Variants in GALK2 observed in about 807,000 individuals in gnomAD.
GALK2 encodes the protein N-acetylgalactosamine kinase.
In GALK2, 36 loss-of-function variants were observed where a neutral mutation model predicts 52.4. That is an observed-to-expected ratio of 0.69 (90% CI 0.53 to 0.91). The LOEUF is 0.91. Among genes scored for constraint, GALK2 ranks in the 40% least tolerant of loss-of-function variants. The pLI is 0.00. For missense variants in GALK2, 579 were observed against 559.1 expected (o/e 1.04, Z -0.36); for synonymous variants, 176 against 199.1 (o/e 0.88, Z 0.98).
intron 5 of GALK2, among the ~76,000 whole-genome samples, chr15:49,248,224 TATG>T (rs1021378572): frequency 1.3e-5 from 2 of 152,220 alleles, no homozygotes; most frequent in South Asian, 2.1e-4. Flanking sequence ...TTATATAAAC[TATG>T]ATTTGAATGT....
At chr15:49,323,258 G>A (rs1013898358) in intron 9 of GALK2, among the ~76,000 whole-genome samples, 3 of 152,136 alleles carry the variant, frequency 2.0e-5, no homozygotes, top group African/African-American at 7.2e-5. Context: ...AGCCACTGGT[G>A]CCACAGACAC....
chr15:49,224,580 G>A (rs1218496289), intron 3 of GALK2, among the ~76,000 whole-genome samples: 2 of 152,126 alleles, frequency 1.3e-5, no homozygotes, highest in African/African-American at 4.8e-5. Flanking sequence ...TTATTGAATA[G>A]GGAGCCCTTC....
chr15:49,187,538 T>C (rs1339958185), intron 1 of GALK2, among the ~76,000 whole-genome samples: 1 of 152,132 alleles, frequency 6.6e-6, no homozygotes, highest in African/African-American at 2.4e-5. Flanking sequence ...AGCCCAGGAT[T>C]GGTCCAGAAA....
At chr15:49,173,725 A>C (rs534351656) in intron 1 of GALK2, among the ~76,000 whole-genome samples, 3 of 152,122 alleles carry the variant, frequency 2.0e-5, no homozygotes, top group South Asian at 4.1e-4. Flanking sequence ...CAGTTCATAC[A>C]GATATATTTC....
chr15:49,177,281 C>T (rs951085292), intron 1 of GALK2, among the ~76,000 whole-genome samples: 1 of 151,874 alleles, frequency 6.6e-6, no homozygotes, highest in African/African-American at 2.4e-5. Context: ...TATATGCATA[C>T]TTTATTTATT....
At chr15:49,198,550 G>C (rs2087440214) in intron 1 of GALK2, among the ~76,000 whole-genome samples, 1 of 151,950 alleles carries the variant, frequency 6.6e-6, no homozygotes, top group African/African-American at 2.4e-5. Context: ...CCTGTTCTTT[G>C]TTTTTGTTTG....
chr15:49,239,619 G>C (rs190114826), intron 5 of GALK2, among the ~76,000 whole-genome samples: 2 of 152,252 alleles, frequency 1.3e-5, no homozygotes, highest in East Asian at 3.9e-4. Flanking sequence ...TGAATGTATG[G>C]ATATCATTTT....
chr15:49,264,072 A>G (rs976134564), intron 5 of GALK2, among the ~76,000 whole-genome samples: 22 of 151,808 alleles, frequency 1.4e-4, no homozygotes, highest in Admixed American at 9.2e-4. Context: ...CTCGAGGAGT[A>G]TCTTTGTGGC....
At chr15:49,348,459 A>T (rs1484028628) in intron 3 of GALK2, among the ~76,000 whole-genome samples, 2 of 152,208 alleles carry the variant, frequency 1.3e-5, no homozygotes, top group African/African-American at 2.4e-5. Flanking sequence ...CATGTGAGGC[A>T]ACCACCAAAA....
chr15:49,174,535 A>G (rs1050704418), intron 1 of GALK2, among the ~76,000 whole-genome samples: 5 of 152,014 alleles, frequency 3.3e-5, no homozygotes, highest in Non-Finnish European at 7.4e-5. Flanking sequence ...TAGTAGAGAC[A>G]GGGTTTCACT....
At position 49,328,455 on chromosome 15, in the gene GALK2, ACT is replaced by A. The variant is rs2037904994; in HGVS notation, c.*299_*300del. The A allele has an allele frequency of 6.8e-7, 1 of 1,466,954 alleles. No homozygotes were observed. Among genetic ancestry groups the A allele is most frequent in the African/African-American group, 1.4e-5 (1 of 71,260 alleles). The allele number at this position is 1,466,954 out of a possible 1,614,324, so 90.9% of individuals were successfully genotyped here. A position where few individuals can be genotyped will look rare whatever the true frequency, so the allele number is the denominator to read the frequency against. On this transcript the variant is annotated 3_prime_UTR_variant, in exon 10 of 10. Coordinates refer to ENST00000560031, the MANE Select transcript of GALK2 (RefSeq NM_002044.4). ...ATTTTAAAGATGAATGGTAAAACAC[ACT>A]CTTAATACTGATTACATGGATTGGA...
At chr15:49,220,275 T>C (rs1400703050) in intron 3 of GALK2, among the ~76,000 whole-genome samples, 1 of 152,102 alleles carries the variant, frequency 6.6e-6, no homozygotes, top group African/African-American at 2.4e-5. Context: ...TCACTGACCA[T>C]TCCTCACCTC....
intron 3 of GALK2, among the ~76,000 whole-genome samples, chr15:49,362,108 GTTGAT>G (rs1026588649): frequency 5.3e-5 from 8 of 152,158 alleles, no homozygotes; most frequent in African/African-American, 1.7e-4. Flanking sequence ...CTGTGTGCTT[GTTGAT>G]TTAAGTTCCT....
chr15:49,158,015 G>A (rs1053899263), intron 1 of GALK2, among the ~76,000 whole-genome samples: 5 of 151,910 alleles, frequency 3.3e-5, no homozygotes, highest in African/African-American at 4.8e-5. Context: ...TTTTTTTGTA[G>A]TGGAGAAACG....
At chr15:49,250,424 A>G (rs1387438307) in intron 5 of GALK2, among the ~76,000 whole-genome samples, 4 of 152,186 alleles carry the variant, frequency 2.6e-5, no homozygotes, top group African/African-American at 7.2e-5. Flanking sequence ...ACTGTTAAGC[A>G]CCTAGATGTT....
At chr15:49,360,598 A>T (rs1429196438) in intron 3 of GALK2, among the ~76,000 whole-genome samples, 1 of 152,184 alleles carries the variant, frequency 6.6e-6, no homozygotes, top group Non-Finnish European at 1.5e-5. Context: ...GAGAATTAGC[A>T]GCTCTAAATA....
At chr15:49,172,444 A>T (rs1248833890) in intron 1 of GALK2, among the ~76,000 whole-genome samples, 1 of 152,218 alleles carries the variant, frequency 6.6e-6, no homozygotes, top group Non-Finnish European at 1.5e-5. Context: ...TTTTGCAGCC[A>T]CTTACTCATT....
intron 3 of GALK2, 21 bp downstream of exon 3, chr15:49,217,334 G>C (rs777796174): frequency 6.2e-7 from 1 of 1,612,048 alleles, no homozygotes; most frequent in Non-Finnish European, 8.5e-7. Flanking sequence ...AAAATTGTTA[G>C]TGTGTGTGTA....
Position 49,318,680 on chromosome 15 carries a change from A to G in GALK2, c.968-924A>G, listed in dbSNP as rs193125107. The stretch of plus-strand genomic sequence containing the variant: ...AAACATTATATATCCCATATAAATA[A>G]TTGTGTTTATCTGGGACATATAATA... On this transcript the variant is annotated intron_variant, in intron 8 of 9. Coordinates refer to ENST00000560031, the MANE Select transcript of GALK2 (RefSeq NM_002044.4). Among the ~76,000 whole-genome samples, 536 of 152,220 alleles carry G rather than the reference A, an allele frequency of 3.5e-3. 8 individuals carry two copies. The highest frequency in any genetic ancestry group is 0.013 in the African/African-American group (521 of 41,558).
Sources: allele counts gnomAD v4.1 joint callset (sites outside exome capture counted in the v4.1 genomes callset), GRCh38; gene constraint gnomAD v4.1.1; transcripts MANE v1.5; gene names NCBI Gene and HGNC (gene_info 2026-07-23, HGNC 2026-07-21).